PCDHGA12: variants seen among roughly 807,000 people sequenced by gnomAD.
PCDHGA12 encodes protocadherin gamma-A12.
In PCDHGA12, 43 loss-of-function variants were observed where a neutral mutation model predicts 61.1. That is an observed-to-expected ratio of 0.70 (90% CI 0.55 to 0.91). The LOEUF is 0.91. Among genes scored for constraint, PCDHGA12 ranks in the 40% least tolerant of loss-of-function variants. The pLI, the probability that PCDHGA12 is intolerant of heterozygous loss-of-function variation, is 0.00. For missense variants in PCDHGA12, 1,236 were observed against 1,227.7 expected (o/e 1.01, Z -0.10); for synonymous variants, 520 against 542.9 (o/e 0.96, Z 0.59).
chr5:141,457,809 C>A (rs1404645915), intron 1 of PCDHGA12, among the ~76,000 whole-genome samples: 1 of 152,180 alleles, frequency 6.6e-6, no homozygotes, highest in Non-Finnish European at 1.5e-5. Flanking sequence ...CTCTTGAGGT[C>A]CCAAGATAAA....
At position 141,486,243 on chromosome 5, in the gene PCDHGA12, G is replaced by A. The variant is rs754924567; in HGVS notation, c.2425-8564G>A. 18 of 1,614,156 alleles carry A rather than the reference G, an allele frequency of 1.1e-5. No individual in the cohort carries two copies. The highest frequency in any genetic ancestry group is 1.4e-5 in the Non-Finnish European group (16 of 1,180,018). ...TACATCACAGTGACCTCAGAGCTTG[G>A]AACCCTCCCCGAGAGTGCAGAACCT... On this transcript the variant is annotated intron_variant, in intron 1 of 3. Coordinates refer to ENST00000252085, the MANE Select transcript of PCDHGA12 (RefSeq NM_003735.3). This position sits in a 1 kb window ranked among gnomAD's most constrained non-coding sequence, Gnocchi z 5.0.
chr5:141,441,887 A>G, intron 1 of PCDHGA12: 1 of 344,596 alleles, frequency 2.9e-6, no homozygotes, highest in African/African-American at 2.2e-5. Context: ...CTGGTCACCA[A>G]GGTGGTGGCT....
At chr5:141,456,171 A>ACAGGCG (rs1443838766) in intron 1 of PCDHGA12, among the ~76,000 whole-genome samples, 2 of 152,096 alleles carry the variant, frequency 1.3e-5, no homozygotes, top group East Asian at 3.9e-4. Flanking sequence ...TGCTGGGATT[A>ACAGGCG]CAGAATAATT....
chr5:141,508,935 A>T (rs180987868), intron 3 of PCDHGA12, among the ~76,000 whole-genome samples: 2 of 152,118 alleles, frequency 1.3e-5, no homozygotes, highest in Non-Finnish European at 2.9e-5. Context: ...GGAGTTAATT[A>T]GGGAAAACAG....
At chr5:141,443,760 T>C (rs894568340) in intron 1 of PCDHGA12, among the ~76,000 whole-genome samples, 20 of 152,040 alleles carry the variant, frequency 1.3e-4, no homozygotes, top group African/African-American at 4.6e-4. Context: ...AAGCTTACAA[T>C]ATACAATATT....
chr5:141,488,450 C>T (rs2154581002), intron 1 of PCDHGA12, among the ~76,000 whole-genome samples: 1 of 152,314 alleles, frequency 6.6e-6, no homozygotes, highest in East Asian at 1.9e-4. Context: ...TCCTGGGTGA[C>T]CTGATTCAGC....
At chr5:141,499,625 C>A (rs1238895570) in intron 2 of PCDHGA12, among the ~76,000 whole-genome samples, 1 of 149,832 alleles carries the variant, frequency 6.7e-6, no homozygotes, top group East Asian at 2.0e-4. Flanking sequence ...TCCTTGGATT[C>A]TTTTGAAGCA....
chr5:141,442,457 T>G (rs1209684998), intron 1 of PCDHGA12: 1 of 152,268 alleles, frequency 6.6e-6, no homozygotes, highest in African/African-American at 2.4e-5. Context: ...AATAGCAGTT[T>G]CACTGCAGAA....
At chr5:141,494,763 C>T in intron 1 of PCDHGA12, 44 bp from the exon 2 acceptor site, 4 of 1,613,926 alleles carry the variant, frequency 2.5e-6, no homozygotes, top group Admixed American at 1.7e-5. Context: ...GACATTCTAA[C>T]TTCTCACGGG....
At chr5:141,449,016 C>T (rs2098623330) in intron 1 of PCDHGA12, among the ~76,000 whole-genome samples, 1 of 152,008 alleles carries the variant, frequency 6.6e-6, no homozygotes, top group African/African-American at 2.4e-5. Context: ...TTAACAGTTG[C>T]TTAGCATTCC....
Position 141,511,502 on chromosome 5 carries a change from A to C in PCDHGA12, c.*329A>C. The C allele has an allele frequency of 2.0e-5, 8 of 395,260 alleles. No individual in the cohort carries two copies. The highest frequency in any genetic ancestry group is 4.1e-5 in the African/African-American group (2 of 48,892). The allele number at this position is 395,260 out of a possible 1,614,324, so 24.5% of individuals were successfully genotyped here. A position where few individuals can be genotyped will look rare whatever the true frequency, so the allele number is the denominator to read the frequency against. ...CTGAACTCCTCCATCTTCCAAATCA[A>C]TCAGGCCCATCCATCCCATGCCTCC... On this transcript the variant is annotated 3_prime_UTR_variant, in exon 4 of 4. Transcript: ENST00000252085.
At position 141,432,881 on chromosome 5, in the gene PCDHGA12, G is replaced by A; in HGVS notation, c.2122G>A (p.Val708Ile). Residue 708 changes from valine to isoleucine, a missense_variant, in exon 1 of 4, where the codon GTC (valine) becomes ATC (isoleucine). Val to Ile is a conservative substitution (Grantham distance 29, BLOSUM62 3). Coordinates refer to ENST00000252085, the MANE Select transcript of PCDHGA12 (RefSeq NM_003735.3). This position sits in a 1 kb window ranked among gnomAD's most constrained non-coding sequence, Gnocchi z 6.0. The part of the protein sequence containing the change: ...AAVSCVFLAF[V>I]ILLLALRLRR... ...GGTCTCCTGCGTCTTCCTGGCCTTC[G>A]TCATCTTGCTGCTGGCGCTCAGGCT... 6.2e-7 allele frequency: 1 copy of A among 1,614,170 alleles called. No homozygotes were observed. The highest frequency in any genetic ancestry group is 1.1e-5 in the South Asian group (1 of 91,088).
At chr5:141,457,953 C>G (rs12188170) in intron 1 of PCDHGA12, among the ~76,000 whole-genome samples, 6,291 of 152,286 alleles carry the variant, frequency 0.041, 196 homozygotes, top group Admixed American at 0.075. Context: ...GCATGTCAAG[C>G]TTGATTCCTT....
Position 141,477,350 on chromosome 5 carries a change from A to G in PCDHGA12, c.2425-17457A>G. The G allele has an allele frequency of 6.2e-7, 1 of 1,614,142 alleles. No individual in the cohort carries two copies. Among genetic ancestry groups the G allele is most frequent in the Non-Finnish European group, 8.5e-7 (1 of 1,180,016 alleles). On this transcript the variant is annotated intron_variant, in intron 1 of 3. Transcript: ENST00000252085. The surrounding 1 kb of genome is among the most constrained non-coding windows in gnomAD (Gnocchi z 4.9). ...CAAGAATTACTTCACTTTGAAAACC[A>G]GTGCAGACCTGGATCGGGAGACTGT...
At position 141,490,487 on chromosome 5, in the gene PCDHGA12, C is replaced by T. The variant is rs1398601464; in HGVS notation, c.2425-4320C>T. Reference sequence around the variant, plus strand: ...ACCAGCCAGCCTTTGGACCGGGAGGCCACATCCCACTATATCATCGAGCTG... The same window carrying T: ...ACCAGCCAGCCTTTGGACCGGGAGGTCACATCCCACTATATCATCGAGCTG... On this transcript the variant is annotated intron_variant, in intron 1 of 3. Coordinates refer to ENST00000252085, the MANE Select transcript of PCDHGA12 (RefSeq NM_003735.3). This position sits in a 1 kb window ranked among gnomAD's most constrained non-coding sequence, Gnocchi z 5.4. 4 of 1,614,000 alleles carry T rather than the reference C, an allele frequency of 2.5e-6. No homozygotes were observed. The highest frequency in any genetic ancestry group is 1.7e-5 in the Admixed American group (1 of 59,996).
intron 1 of PCDHGA12, among the ~76,000 whole-genome samples, chr5:141,436,793 C>A (rs752376420): frequency 6.6e-6 from 1 of 152,178 alleles, no homozygotes; most frequent in Non-Finnish European, 1.5e-5. Context: ...TAAAACTGTT[C>A]TAAAATTTTT....
chr5:141,497,502 T>C (rs1216218103), intron 2 of PCDHGA12, among the ~76,000 whole-genome samples: 1 of 151,628 alleles, frequency 6.6e-6, no homozygotes, highest in East Asian at 1.9e-4. Flanking sequence ...CTCTCCTCTC[T>C]CTGCTTCCTT....
In PCDHGA12 at chr5:141,511,224, G is replaced by T. The variant is rs752401867; in HGVS notation, c.*51G>T. On this transcript the variant is annotated 3_prime_UTR_variant, in exon 4 of 4. Coordinates refer to ENST00000252085, the MANE Select transcript of PCDHGA12 (RefSeq NM_003735.3). ...GGGCGGCCTCTCCCCAACCAGCCCA[G>T]CTTCTCCTTACCTGCACCCAGGCCT... is the stretch of plus-strand genomic sequence containing the variant. 44 of 1,603,158 alleles carry T rather than the reference G, an allele frequency of 2.7e-5. No individual in the cohort carries two copies. Among genetic ancestry groups the T allele is most frequent in the Non-Finnish European group, 3.6e-5 (42 of 1,174,924 alleles).
intron 2 of PCDHGA12, among the ~76,000 whole-genome samples, chr5:141,496,125 T>C (rs1318749514): frequency 6.8e-6 from 1 of 146,032 alleles, no homozygotes; most frequent in Non-Finnish European, 1.5e-5. Context: ...TCCCTGCCCC[T>C]CACACACTGA....
Sources: allele counts gnomAD v4.1 joint callset (sites outside exome capture counted in the v4.1 genomes callset), GRCh38; gene constraint gnomAD v4.1.1; non-coding constraint Gnocchi (gnomAD v3.1); transcripts MANE v1.5; gene names NCBI Gene and HGNC (gene_info 2026-07-23, HGNC 2026-07-21).